Variants in MACROD2 observed in about 807,000 individuals in gnomAD.
MACROD2 encodes the protein mono-ADP ribosylhydrolase 2.
Under a neutral mutation model 70.4 loss-of-function variants are expected in MACROD2, and 36 were observed. The ratio of observed to expected loss-of-function variants is 0.51; its 90% CI spans 0.39 to 0.68. MACROD2 has a LOEUF of 0.68. Among genes scored for constraint, MACROD2 ranks in the 30% least tolerant of loss-of-function variants. The pLI, the probability that MACROD2 is intolerant of heterozygous loss-of-function variation, is 0.00. For synonymous variants in MACROD2, 172 were observed against 178.8 expected, an observed-to-expected ratio of 0.96 and a Z score of 0.30; for missense variants, 496 against 538.4, an observed-to-expected ratio of 0.92 and a Z score of 0.78.
At chr20:15,953,989 A>G (rs2065942205) in intron 12 of MACROD2, among the ~76,000 whole-genome samples, 1 of 152,168 alleles carries the variant, frequency 6.6e-6, no homozygotes. Context: ...TGGAGTTCAC[A>G]CATGCATGTG....
At chr20:15,083,366 C>G (rs1405007579) in intron 5 of MACROD2, among the ~76,000 whole-genome samples, 1 of 152,134 alleles carries the variant, frequency 6.6e-6, no homozygotes, top group Non-Finnish European at 1.5e-5. Flanking sequence ...CCAATCATTC[C>G]CTATTTTATT....
At chr20:14,220,511 C>T (rs2081662416) in intron 3 of MACROD2, among the ~76,000 whole-genome samples, 1 of 152,142 alleles carries the variant, frequency 6.6e-6, no homozygotes, top group Admixed American at 6.5e-5. Flanking sequence ...GGAGTCTGCA[C>T]ACTGAATTTG....
In MACROD2 at chr20:15,057,986, A is replaced by G. The variant is rs1041375171; in HGVS notation, c.419-171954A>G. The stretch of plus-strand genomic sequence containing the variant: ...AAAATACCCTGTCGCTTGGCAGACA[A>G]TCATGGTCTCAATTTAGAATTTATA... On this transcript the variant is annotated intron_variant, in intron 5 of 17. Coordinates refer to ENST00000684519, the MANE Select transcript of MACROD2 (RefSeq NM_001351661.2). Among the ~76,000 whole-genome samples, 4 of 152,194 alleles carry G rather than the reference A, an allele frequency of 2.6e-5. No homozygotes were observed. In the East Asian group the frequency reaches 7.7e-4, roughly 29 times the overall value.
intron 13 of MACROD2, among the ~76,000 whole-genome samples, chr20:15,968,796 C>CATAT (rs2066181620): frequency 4.0e-5 from 2 of 50,214 alleles, no homozygotes; most frequent in African/African-American, 5.8e-5. Flanking sequence ...ATATATTATG[C>CATAT]GTATATATAT....
intron 3 of MACROD2, among the ~76,000 whole-genome samples, chr20:14,248,378 G>A (rs1601398158): frequency 6.6e-6 from 1 of 152,164 alleles, no homozygotes; most frequent in East Asian, 1.9e-4. Context: ...GAGATCAAGA[G>A]TTCGAGACCA....
At chr20:16,032,057 C>T (rs764386615) in intron 15 of MACROD2, among the ~76,000 whole-genome samples, 7 of 151,838 alleles carry the variant, frequency 4.6e-5, no homozygotes, top group Non-Finnish European at 1.0e-4. Context: ...GTGTAAGTGT[C>T]CTTTCTGTTG....
intron 5 of MACROD2, among the ~76,000 whole-genome samples, chr20:14,901,225 A>T (rs1330575490): frequency 6.6e-6 from 1 of 151,954 alleles, no homozygotes; most frequent in African/African-American, 2.4e-5. Flanking sequence ...AATACTTATT[A>T]TAGTACTTAG....
intron 12 of MACROD2, among the ~76,000 whole-genome samples, chr20:15,939,675 T>C (rs1251462285): frequency 1.3e-5 from 2 of 152,068 alleles, no homozygotes; most frequent in Admixed American, 1.3e-4. Context: ...TTTTCAAGTC[T>C]TTCTATTTAA....
chr20:14,265,966 C>T (rs1021228489), intron 3 of MACROD2, among the ~76,000 whole-genome samples: 6 of 152,014 alleles, frequency 3.9e-5, no homozygotes, highest in East Asian at 1.9e-4. Flanking sequence ...TTAGTAGAGA[C>T]GGGGTTTCAC....
intron 6 of MACROD2, among the ~76,000 whole-genome samples, chr20:15,397,166 C>CA: frequency 6.6e-6 from 1 of 152,200 alleles, no homozygotes; most frequent in Non-Finnish European, 1.5e-5. Flanking sequence ...AACACTGTGA[C>CA]AATATCTATT....
intron 7 of MACROD2, among the ~76,000 whole-genome samples, chr20:15,460,386 T>C (rs1488378752): frequency 6.6e-6 from 1 of 151,878 alleles, no homozygotes; most frequent in Admixed American, 6.6e-5. Flanking sequence ...CAGGCTTGAG[T>C]TTCTCCTCAA....
chr20:14,363,677 C>T (rs921543994), intron 3 of MACROD2, among the ~76,000 whole-genome samples: 6 of 81,924 alleles, frequency 7.3e-5, no homozygotes, highest in African/African-American at 1.8e-4. Flanking sequence ...AAAAATTAGC[C>T]GGGCGCGGTG....
intron 8 of MACROD2, among the ~76,000 whole-genome samples, chr20:15,706,363 T>C (rs984728364): frequency 4.6e-5 from 7 of 152,322 alleles, no homozygotes; most frequent in African/African-American, 1.7e-4. Flanking sequence ...AAGATTCTTA[T>C]ACCTGGAAAG....
At chr20:14,585,891 C>G (rs1385618750) in intron 4 of MACROD2, among the ~76,000 whole-genome samples, 3 of 152,096 alleles carry the variant, frequency 2.0e-5, no homozygotes, top group Admixed American at 2.0e-4. Flanking sequence ...ATTTCCTTAA[C>G]TTGAACCAAC....
intron 3 of MACROD2, among the ~76,000 whole-genome samples, chr20:14,263,490 A>G (rs886410777): frequency 2.0e-5 from 3 of 152,090 alleles, no homozygotes; most frequent in African/African-American, 7.2e-5. Flanking sequence ...GCTTCTCTCC[A>G]CTTTCTCCCT....
At chr20:14,893,283 C>A (rs966522883) in intron 5 of MACROD2, 1 of 151,982 alleles carries the variant, frequency 6.6e-6, no homozygotes, top group Non-Finnish European at 1.5e-5. Flanking sequence ...CTCTTGGAGA[C>A]CCTGCTATCA....
At chr20:15,681,431 A>G (rs1407898311) in intron 8 of MACROD2, among the ~76,000 whole-genome samples, 1 of 152,234 alleles carries the variant, frequency 6.6e-6, no homozygotes, top group Admixed American at 6.5e-5. Flanking sequence ...AAGTCTTTGA[A>G]TAGGCAACCC....
chr20:14,242,127 T>C (rs1019950817), intron 3 of MACROD2, among the ~76,000 whole-genome samples: 1 of 152,208 alleles, frequency 6.6e-6, no homozygotes. Context: ...ATTTGGGTTA[T>C]TCAAAATAAC....
chr20:15,587,018 A>C (rs1326664454), intron 8 of MACROD2, among the ~76,000 whole-genome samples: 1 of 152,192 alleles, frequency 6.6e-6, no homozygotes, highest in Non-Finnish European at 1.5e-5. Context: ...ATAAGAAATA[A>C]ATTCAATATA....
Sources: gnomAD v4.1 joint callset for allele counts (sites outside exome capture counted in the v4.1 genomes callset) on GRCh38, gnomAD v4.1.1 for gene constraint, MANE v1.5 for transcripts, NCBI Gene and HGNC (gene_info 2026-07-23, HGNC 2026-07-21) for gene names.